Variants in TRPC5 observed in about 807,000 individuals in gnomAD.
The protein encoded by TRPC5 is short transient receptor potential channel 5.
TRPC5 carries 9 observed loss-of-function variants against 56.5 expected under a neutral mutation model. That is an observed-to-expected ratio of 0.16 (90% CI 0.10 to 0.28). The LOEUF is 0.28. Ranked by LOEUF, TRPC5 falls within the 10% of genes least tolerant of loss-of-function variation. The pLI, the probability that TRPC5 is intolerant of heterozygous loss-of-function variation, is 1.00. For missense variants in TRPC5, 469 were observed against 748.9 expected (o/e 0.63, Z 4.36); for synonymous variants, 282 against 278.5 (o/e 1.01, Z -0.13).
At chrX:112,040,043 A>G (rs1043536247) in intron 1 of TRPC5, among the ~76,000 whole-genome samples, 2 of 112,098 alleles carry the variant, frequency 1.8e-5, no homozygotes, top group African/African-American at 6.5e-5. Flanking sequence ...CCATTAATTA[A>G]GGAGGCTCTC....
chrX:111,968,751 G>C (rs185015771), intron 1 of TRPC5, among the ~76,000 whole-genome samples: 65 of 97,629 alleles, frequency 6.7e-4, no homozygotes, highest in Non-Finnish European at 1.2e-3. Flanking sequence ...TGCATGTTCT[G>C]ACTCATAGGT....
chrX:111,912,195 G>A, intron 3 of TRPC5, 96 bp downstream of exon 3: 1 of 992,448 alleles, frequency 1.0e-6, no homozygotes, highest in Non-Finnish European at 1.4e-6. Context: ...TTGTTTGTTA[G>A]GGGGCTAAAT....
chrX:112,079,442 G>A (rs1288581660), intron 1 of TRPC5, among the ~76,000 whole-genome samples: 1 of 112,031 alleles, frequency 8.9e-6, no homozygotes, highest in Non-Finnish European at 1.9e-5. Context: ...TGGTACTATG[G>A]AATTCTATCA....
intron 7 of TRPC5, among the ~76,000 whole-genome samples, chrX:111,811,134 C>T (rs1201042282): frequency 8.9e-6 from 1 of 111,749 alleles, no homozygotes; most frequent in East Asian, 2.8e-4. Flanking sequence ...TAAGAAGTTG[C>T]TATAGTATTC....
intron 1 of TRPC5, among the ~76,000 whole-genome samples, chrX:112,058,065 TGA>T (rs1238085736): frequency 8.9e-6 from 1 of 111,858 alleles, no homozygotes; most frequent in Non-Finnish European, 1.9e-5. Context: ...AGTGTCTTTG[TGA>T]GAGAAGGAGG....
At chrX:112,018,119 C>A (rs1436680505) in intron 1 of TRPC5, among the ~76,000 whole-genome samples, 2 of 112,116 alleles carry the variant, frequency 1.8e-5, no homozygotes, top group Admixed American at 1.9e-4. Context: ...AATGGCAAAA[C>A]CACAATTACT....
At chrX:111,853,081 G>A (rs1341514074) in intron 4 of TRPC5, among the ~76,000 whole-genome samples, 3 of 111,996 alleles carry the variant, frequency 2.7e-5, no homozygotes, top group Non-Finnish European at 5.6e-5. Flanking sequence ...TAAAGTACAT[G>A]TGAATTACCT....
At chrX:112,064,167 C>T (rs973095291) in intron 1 of TRPC5, among the ~76,000 whole-genome samples, 1 of 111,566 alleles carries the variant, frequency 9.0e-6, no homozygotes, top group Admixed American at 9.5e-5. Context: ...GATCTTGGTG[C>T]TTGAAATTAT....
chrX:112,080,662 A>G (rs1569530873), intron 1 of TRPC5, among the ~76,000 whole-genome samples: 1 of 111,854 alleles, frequency 8.9e-6, no homozygotes, highest in East Asian at 2.8e-4. Context: ...TTTGATTTAG[A>G]ATAAGCAGAT....
intron 3 of TRPC5, among the ~76,000 whole-genome samples, chrX:111,898,874 C>G (rs1046858875): frequency 9.1e-6 from 1 of 109,659 alleles, no homozygotes; most frequent in African/African-American, 3.3e-5. Flanking sequence ...CCCACTCCTC[C>G]CCCACCAAGG....
At chrX:111,824,229 CAA>C (rs1173966332) in intron 7 of TRPC5, among the ~76,000 whole-genome samples, 3,862 of 54,526 alleles carry the variant, frequency 0.071, 266 homozygotes, top group African/African-American at 0.18. Context: ...GACCCTGTCT[CAA>C]AAAAAAAAAA....
At chrX:111,779,666 A>G (rs908223440) in intron 9 of TRPC5, among the ~76,000 whole-genome samples, 1 of 112,268 alleles carries the variant, frequency 8.9e-6, no homozygotes, top group Non-Finnish European at 1.9e-5. Context: ...CACATAATAC[A>G]TATGATACAT....
chrX:111,951,341 A>G (rs959160222), intron 2 of TRPC5, among the ~76,000 whole-genome samples: 1 of 112,076 alleles, frequency 8.9e-6, no homozygotes, highest in Non-Finnish European at 1.9e-5. Context: ...TGAGAACCAG[A>G]GCCAGACTGG....
intron 1 of TRPC5, among the ~76,000 whole-genome samples, chrX:111,985,484 G>A (rs774581384): frequency 8.9e-6 from 1 of 111,880 alleles, no homozygotes; most frequent in Non-Finnish European, 1.9e-5. Context: ...CAATTACCTT[G>A]GTAAAAGGTC....
chrX:111,980,230 A>G (rs1928041583), intron 1 of TRPC5, among the ~76,000 whole-genome samples: 1 of 112,016 alleles, frequency 8.9e-6, no homozygotes, highest in East Asian at 2.8e-4. Flanking sequence ...GAAAAAGAGT[A>G]TACACATTAT....
chrX:111,980,141 GT>G (rs1449450192), intron 1 of TRPC5, among the ~76,000 whole-genome samples: 1 of 111,663 alleles, frequency 9.0e-6, no homozygotes, highest in Non-Finnish European at 1.9e-5. Flanking sequence ...CTATTCAGCA[GT>G]AAAATGGAAT....
intron 3 of TRPC5, among the ~76,000 whole-genome samples, chrX:111,860,029 C>T (rs1359799055): frequency 8.9e-6 from 1 of 112,752 alleles, no homozygotes; most frequent in Non-Finnish European, 1.9e-5. Flanking sequence ...CTGCCTCGGC[C>T]TCCCGAGTAG....
At chrX:111,890,167 T>C (rs886804765) in intron 3 of TRPC5, among the ~76,000 whole-genome samples, 9 of 112,317 alleles carry the variant, frequency 8.0e-5, no homozygotes, top group Non-Finnish European at 1.7e-4. Context: ...AAACCAATAT[T>C]GTAAAACAAA....
intron 3 of TRPC5, among the ~76,000 whole-genome samples, chrX:111,863,063 G>A (rs1923449056): frequency 1.8e-5 from 2 of 111,803 alleles, no homozygotes; most frequent in African/African-American, 3.3e-5. Flanking sequence ...TTTTCATGAT[G>A]TATGAATCAG....
Sources: gnomAD v4.1 joint callset for allele counts (sites outside exome capture counted in the v4.1 genomes callset) on GRCh38, gnomAD v4.1.1 for gene constraint, MANE v1.5 for transcripts, NCBI Gene and HGNC (gene_info 2026-07-23, HGNC 2026-07-21) for gene names.